Variants in PRKACB observed in about 807,000 individuals in gnomAD.
PRKACB encodes protein kinase cAMP-activated catalytic subunit beta.
In PRKACB, 16 loss-of-function variants were observed where a neutral mutation model predicts 51.4. That is an observed-to-expected ratio of 0.31 (90% confidence interval 0.21 to 0.47). PRKACB has a LOEUF of 0.47. PRKACB is among the 20% of genes least tolerant of loss of function. The pLI is 1.00. For missense variants in PRKACB, 309 were observed against 464.5 expected (o/e 0.67, Z 3.08); for synonymous variants, 147 against 154.4 (o/e 0.95, Z 0.35).
At chr1:84,135,280 C>G (rs1283762702) in intron 1 of PRKACB, among the ~76,000 whole-genome samples, 1 of 152,034 alleles carries the variant, frequency 6.6e-6, no homozygotes, top group East Asian at 1.9e-4. Flanking sequence ...ATACTTGAAG[C>G]AAAAGCTGAC....
rs778428117 is a variant in PRKACB, at chr1:84,185,095, C to T, written c.478-5C>T. The stretch of plus-strand genomic sequence containing the variant: ...TAATTGTATTTCCTTTTTATTTGTT[C>T]ATAGGATAATTCTAATTTATACATG... On this transcript the variant is annotated splice_region_variant and splice_polypyrimidine_tract_variant and intron_variant, in intron 4 of 9. Coordinates refer to ENST00000370685, the MANE Select transcript of PRKACB (RefSeq NM_182948.4). 8.3e-6 allele frequency: 12 copies of T among 1,440,080 alleles called. No individual in the cohort carries two copies. The highest frequency in any genetic ancestry group is 1.1e-5 in the Non-Finnish European group (12 of 1,070,128). The allele number at this position is 1,440,080 out of a possible 1,614,324, so 89.2% of individuals were successfully genotyped here. A position where few individuals can be genotyped will look rare whatever the true frequency, so the allele number is the denominator to read the frequency against.
chr1:84,170,848 A>G (rs543244062), intron 1 of PRKACB, among the ~76,000 whole-genome samples: 18 of 151,650 alleles, frequency 1.2e-4, no homozygotes, highest in Admixed American at 2.0e-4. Flanking sequence ...AACAAAATTG[A>G]CCTATGTAGG....
chr1:84,175,225 A>G (rs1253081375), intron 1 of PRKACB, among the ~76,000 whole-genome samples: 1 of 151,772 alleles, frequency 6.6e-6, no homozygotes, highest in Non-Finnish European at 1.5e-5. Context: ...GGTTTTATCT[A>G]TATAAATGAT....
At chr1:84,119,454 TCTA>T (rs1370647691) in intron 1 of PRKACB, among the ~76,000 whole-genome samples, 1 of 152,090 alleles carries the variant, frequency 6.6e-6, no homozygotes, top group Non-Finnish European at 1.5e-5. Context: ...TTTATACCCT[TCTA>T]CTGATGCTTT....
chr1:84,164,444 C>A (rs1656742475), intron 1 of PRKACB: 2 of 1,561,528 alleles, frequency 1.3e-6, no homozygotes, highest in Admixed American at 1.9e-5. Flanking sequence ...AAGAAAACAG[C>A]AATTTTTTCA....
intron 5 of PRKACB, among the ~76,000 whole-genome samples, chr1:84,189,542 C>T (rs1039102042): frequency 2.6e-5 from 4 of 151,226 alleles, no homozygotes; most frequent in African/African-American, 9.7e-5. Flanking sequence ...ATATACCTTT[C>T]AAGAAAGAGA....
At chr1:84,223,006 T>A in intron 9 of PRKACB, among the ~76,000 whole-genome samples, 1 of 152,172 alleles carries the variant, frequency 6.6e-6, no homozygotes. Context: ...CCTTTTTGGA[T>A]TGTATCTATT....
At chr1:84,174,994 A>G (rs772340478) in intron 1 of PRKACB, 2 of 1,441,224 alleles carry the variant, frequency 1.4e-6, no homozygotes, top group Admixed American at 2.8e-5. Flanking sequence ...TGTTATTCAT[A>G]TAATTTAATC....
intron 1 of PRKACB, among the ~76,000 whole-genome samples, chr1:84,127,856 T>A (rs1389608642): frequency 6.6e-6 from 1 of 152,026 alleles, no homozygotes; most frequent in Non-Finnish European, 1.5e-5. Flanking sequence ...TAAAATTATT[T>A]TAAGGATAAA....
At chr1:84,184,461 T>C (rs188509884) in intron 4 of PRKACB, among the ~76,000 whole-genome samples, 1 of 151,916 alleles carries the variant, frequency 6.6e-6, no homozygotes, top group South Asian at 2.1e-4. Flanking sequence ...TTTTCTACTT[T>C]GATTAAGCCC....
chr1:84,164,885 G>T lies in PRKACB; in HGVS notation c.188-14292G>T, dbSNP rs993688778. On this transcript the variant is annotated intron_variant, in intron 1 of 9. Transcript: ENST00000370685. ...AGAAAGCTCTTTTCGTTTTCTGTGT[G>T]CTGCATGCTCCAGTGTGTGTGTTTA... 7 of 1,445,526 alleles carry T rather than the reference G, an allele frequency of 4.8e-6. No homozygotes were observed. The African/African-American group carries it at 1.0e-4, about 21-fold the overall frequency. 89.5% of individuals were successfully genotyped at this position (1,445,526 alleles called of 1,614,324 possible).
At chr1:84,128,449 A>G (rs1031096904) in intron 1 of PRKACB, among the ~76,000 whole-genome samples, 2 of 152,178 alleles carry the variant, frequency 1.3e-5, no homozygotes, top group African/African-American at 4.8e-5. Flanking sequence ...TCATGCTCAT[A>G]TGTTATAACA....
intron 1 of PRKACB, 101 bp downstream of exon 1, chr1:84,144,649 C>A: frequency 7.9e-7 from 1 of 1,265,396 alleles, no homozygotes; most frequent in Non-Finnish European, 1.1e-6. Context: ...TTGTTGTTTT[C>A]TGATTTTCAC....
intron 8 of PRKACB, chr1:84,205,199 G>T: frequency 1.0e-6 from 1 of 984,576 alleles, no homozygotes; most frequent in Non-Finnish European, 1.2e-6. Context: ...TAAAGTAGAA[G>T]TCATGAAAGT....
At chr1:84,162,003 A>ATCC (rs963745755) in intron 1 of PRKACB, among the ~76,000 whole-genome samples, 4 of 152,050 alleles carry the variant, frequency 2.6e-5, no homozygotes, top group Non-Finnish European at 5.9e-5. Flanking sequence ...TACAACAAAT[A>ATCC]TCCTCCGTTG....
At chr1:84,170,015 G>A (rs1450952632) in intron 1 of PRKACB, among the ~76,000 whole-genome samples, 1 of 151,592 alleles carries the variant, frequency 6.6e-6, no homozygotes, top group Admixed American at 6.6e-5. Flanking sequence ...ACTGTAACAA[G>A]TGCCCCTTTA....
chr1:84,108,135 A>G (rs1354766290), intron 1 of PRKACB, among the ~76,000 whole-genome samples: 2 of 152,294 alleles, frequency 1.3e-5, no homozygotes, highest in East Asian at 1.9e-4. Flanking sequence ...ATGGAATACT[A>G]TGCAGTCATG....
intron 1 of PRKACB, among the ~76,000 whole-genome samples, chr1:84,096,322 T>G (rs1648924421): frequency 6.6e-6 from 1 of 152,142 alleles, no homozygotes; most frequent in Non-Finnish European, 1.5e-5. Context: ...AAAAAGGTGC[T>G]TCTCACTATC....
chr1:84,085,577 G>T (rs1571516858), intron 1 of PRKACB, among the ~76,000 whole-genome samples: 1 of 152,134 alleles, frequency 6.6e-6, no homozygotes, highest in East Asian at 1.9e-4. Context: ...AAAATGTGTG[G>T]GCAGAGAAGT....
Sources: allele counts gnomAD v4.1 joint callset (sites outside exome capture counted in the v4.1 genomes callset), GRCh38; gene constraint gnomAD v4.1.1; transcripts MANE v1.5; gene names NCBI Gene and HGNC (gene_info 2026-07-23, HGNC 2026-07-21).